FABP3: variants seen among roughly 807,000 people sequenced by gnomAD.
FABP3 encodes the protein fatty acid-binding protein, heart.
FABP3 carries 8 observed loss-of-function variants against 13.4 expected under a neutral mutation model. The ratio of observed to expected loss-of-function variants is 0.60; its 90% CI spans 0.35 to 1.07. FABP3 has a LOEUF of 1.07. Ranked by LOEUF, FABP3 falls within the 50% of genes least tolerant of loss-of-function variation. FABP3 has a pLI of 0.02. For missense variants in FABP3, 135 were observed against 164.7 expected, an observed-to-expected ratio of 0.82 and a Z score of 0.99; for synonymous variants, 64 against 60.0, an observed-to-expected ratio of 1.07 and a Z score of -0.31.
intron 1 of FABP3, among the ~76,000 whole-genome samples, chr1:31,371,731 G>A (rs1640212954): frequency 6.6e-6 from 1 of 152,198 alleles, no homozygotes; most frequent in Non-Finnish European, 1.5e-5. Context: ...CTGCTGGGCT[G>A]TGTTCGTGGG....
At chr1:31,364,287 T>A, downstream of FABP3, 1 of 1,466,644 alleles carries the variant, frequency 6.8e-7, no homozygotes. Flanking sequence ...GAATATAGCC[T>A]CCCACCCCAT....
downstream of FABP3, chr1:31,364,589 C>T (rs1380731830): frequency 1.0e-5 from 2 of 199,254 alleles, no homozygotes; most frequent in African/African-American, 4.6e-5. Flanking sequence ...TGATTGGACC[C>T]TTCCTATTGG....
At chr1:31,364,621 G>A (rs1640062382), downstream of FABP3, 1 of 162,606 alleles carries the variant, frequency 6.1e-6, no homozygotes, top group South Asian at 1.9e-4. Flanking sequence ...CCAACTGGTG[G>A]GTGATCTCTG....
In FABP3 at chr1:31,369,367, C is replaced by T; in HGVS notation, c.246+18G>A. ...GTCTCAGCACTCTCCATTCCCCACC[C>T]CTGTTTCCCTGACTTACCTTGACCT... On this transcript the variant is annotated intron_variant, in intron 2 of 3. Coordinates refer to ENST00000373713, the MANE Select transcript of FABP3 (RefSeq NM_004102.5). 1 of 1,612,828 alleles carries T rather than the reference C, an allele frequency of 6.2e-7. No homozygotes were observed. Among genetic ancestry groups the T allele is most frequent in the Non-Finnish European group, 8.5e-7 (1 of 1,179,144 alleles).
intron 2 of FABP3, among the ~76,000 whole-genome samples, chr1:31,368,192 G>C (rs1455392376): frequency 6.6e-6 from 1 of 152,182 alleles, no homozygotes; most frequent in Non-Finnish European, 1.5e-5. Context: ...GGGGCCACAA[G>C]GCCAGGCTAA....
At chr1:31,367,978 G>A (rs373774482) in intron 2 of FABP3, among the ~76,000 whole-genome samples, 29 of 152,314 alleles carry the variant, frequency 1.9e-4, no homozygotes, top group African/African-American at 5.1e-4. Flanking sequence ...GGAAGTATTG[G>A]ATAATTAGAC....
chr1:31,366,500 G>A (rs1640115812), intron 3 of FABP3, among the ~76,000 whole-genome samples: 1 of 152,130 alleles, frequency 6.6e-6, no homozygotes, highest in African/African-American at 2.4e-5. Context: ...CCCCACCAAA[G>A]CTAGGCACCT....
In FABP3 at chr1:31,372,389, A is replaced by T. The variant is rs535392703; in HGVS notation, c.73+553T>A. Among the ~76,000 whole-genome samples, 4 of 152,180 alleles carry T rather than the reference A, an allele frequency of 2.6e-5. No individual in the cohort carries two copies. In the East Asian group the frequency reaches 7.7e-4, roughly 29 times the overall value. On this transcript the variant is annotated intron_variant, in intron 1 of 3. Coordinates refer to ENST00000373713, the MANE Select transcript of FABP3 (RefSeq NM_004102.5). Reference sequence around the variant, plus strand: ...GTGAGAAAGGGCATTCTCCAGCAAGAATTCTCTTCCCTAACCAAGCAGAGA... The same window carrying T: ...GTGAGAAAGGGCATTCTCCAGCAAGTATTCTCTTCCCTAACCAAGCAGAGA...
At position 31,370,103 on chromosome 1, in the gene FABP3, C is replaced by CAAAAAAAAAAAAA; in HGVS notation, c.74-559_74-547dup. 1.4e-5 allele frequency among the ~76,000 whole-genome samples: 2 copies of CAAAAAAAAAAAAA among 139,282 alleles called. 1 individual carries two copies. The allele number at this position is 139,282 out of a possible 152,430, so 91.4% of individuals were successfully genotyped here. A position where few individuals can be genotyped will look rare whatever the true frequency, so the allele number is the denominator to read the frequency against. Reference sequence around the variant, plus strand: ...TAGCCAACAGAGTGAGATTCCACCTCAAAAAAAAAAAAAAAGCTACTATTA... The same window carrying CAAAAAAAAAAAAA: ...TAGCCAACAGAGTGAGATTCCACCTCAAAAAAAAAAAAAAAAAAAAAAAAAAAAGCTACTATTA... On this transcript the variant is annotated intron_variant, in intron 1 of 3. Coordinates refer to ENST00000373713, the MANE Select transcript of FABP3 (RefSeq NM_004102.5).
At position 31,365,550 on chromosome 1, in the gene FABP3, C is replaced by T. The variant is rs1443239856; in HGVS notation, c.*336G>A. 3.5e-6 allele frequency: 1 copy of T among 289,850 alleles called. No individual in the cohort carries two copies. The allele number at this position is 289,850 out of a possible 1,614,324, so 18.0% of individuals were successfully genotyped here. A position where few individuals can be genotyped will look rare whatever the true frequency, so the allele number is the denominator to read the frequency against. Reference sequence around the variant, plus strand: ...GTCCATTTCAGTCTCCCATCCAGTGCTTCTTCCTCAGTAACCTTCAGGCCG... The same window carrying T: ...GTCCATTTCAGTCTCCCATCCAGTGTTTCTTCCTCAGTAACCTTCAGGCCG... On this transcript the variant is annotated 3_prime_UTR_variant, in exon 4 of 4. Transcript: ENST00000373713.
At chr1:31,362,955 G>A (rs189700659), downstream of FABP3, among the ~76,000 whole-genome samples, 4 of 152,220 alleles carry the variant, frequency 2.6e-5, no homozygotes, top group Admixed American at 1.3e-4. Context: ...CTTATTACCA[G>A]TTTGATGTAT....
intron 2 of FABP3, among the ~76,000 whole-genome samples, chr1:31,368,263 A>C (rs537479486): frequency 1.6e-4 from 25 of 152,274 alleles, no homozygotes; most frequent in African/African-American, 5.8e-4. Context: ...TGTATTGTTT[A>C]GGTGATAAGG....
chr1:31,365,896 TTCTC>T lies in FABP3; in HGVS notation c.388_391del (p.Glu130LysfsTer72). 1 of 1,613,990 alleles carries T rather than the reference TTCTC, an allele frequency of 6.2e-7. No homozygotes were observed. The highest frequency in any genetic ancestry group is 8.5e-7 in the Non-Finnish European group (1 of 1,179,984). ...AACAGTGCAGTCAGGTCATGCCTCT[TTCTC>T]ATAAGTGCGAGTGCAAACTGCAGTG... is the stretch of plus-strand genomic sequence containing the variant. On this transcript the variant is annotated frameshift_variant, in exon 4 of 4. Coordinates refer to ENST00000373713, the MANE Select transcript of FABP3 (RefSeq NM_004102.5). LOFTEE classifies it high-confidence loss of function.
chr1:31,365,756 G>T lies in FABP3; in HGVS notation c.*130C>A. ...ACCATGGGAACTGGAACTGGATCCC[G>T]GTCAGTGGCACCTGACCCCAGAAGA... On this transcript the variant is annotated 3_prime_UTR_variant, in exon 4 of 4. Transcript: ENST00000373713. The T allele has an allele frequency of 1.3e-6, 1 of 771,802 alleles. No homozygotes were observed. The highest frequency in any genetic ancestry group is 2.2e-6 in the Non-Finnish European group (1 of 452,638). 47.8% of individuals were successfully genotyped at this position (771,802 alleles called of 1,614,324 possible). A position where few individuals can be genotyped will look rare whatever the true frequency, so the allele number is the denominator to read the frequency against.
rs1569982758 is a variant in FABP3, at chr1:31,372,935, T to C, written c.73+7A>G. On this transcript the variant is annotated splice_region_variant and intron_variant, in intron 1 of 3. Transcript: ENST00000373713. ...AGCCAACATCCTGAGCCCCGCGGCT[T>C]GCTCACCGAGTGACTTCATGTAGTC... 6.2e-7 allele frequency: 1 copy of C among 1,612,802 alleles called. No homozygotes were observed. The highest frequency in any genetic ancestry group is 2.2e-5 in the East Asian group (1 of 44,886).
chr1:31,370,457 T>C (rs954397685), intron 1 of FABP3, among the ~76,000 whole-genome samples: 6 of 152,230 alleles, frequency 3.9e-5, no homozygotes, highest in Non-Finnish European at 5.9e-5. Flanking sequence ...TTGGAAGTTT[T>C]TACCCTGAAA....
At chr1:31,361,830 G>T (rs1639912514), downstream of FABP3, among the ~76,000 whole-genome samples, 1 of 133,522 alleles carries the variant, frequency 7.5e-6, no homozygotes, top group Middle Eastern at 3.7e-3. Flanking sequence ...TATTTATTTT[G>T]AGACAGGGTC....
intron 1 of FABP3, among the ~76,000 whole-genome samples, chr1:31,372,441 CT>C (rs1640224588): frequency 6.6e-6 from 1 of 152,186 alleles, no homozygotes; most frequent in Non-Finnish European, 1.5e-5. Context: ...CTGCAGGTTC[CT>C]GTCTTACGTC....
chr1:31,364,016 A>G, downstream of FABP3: 1 of 1,606,570 alleles, frequency 6.2e-7, no homozygotes, highest in East Asian at 2.2e-5. Context: ...GTTGATTTTT[A>G]AAATTTTCTT....
Sources: gnomAD v4.1 joint callset for allele counts (sites outside exome capture counted in the v4.1 genomes callset) on GRCh38, gnomAD v4.1.1 for gene constraint, MANE v1.5 for transcripts, NCBI Gene and HGNC (gene_info 2026-07-23, HGNC 2026-07-21) for gene names.